TSHZ2: variants seen among roughly 807,000 people sequenced by gnomAD.
The protein encoded by TSHZ2 is teashirt zinc finger homeobox 2.
In TSHZ2, 21 loss-of-function variants were observed where a neutral mutation model predicts 74.4. The ratio of observed to expected loss-of-function variants is 0.28; its 90% CI spans 0.20 to 0.41. The LOEUF (loss-of-function observed/expected upper bound fraction) is 0.41. Among genes scored for constraint, TSHZ2 ranks in the 10% least tolerant of loss-of-function variants. The pLI, the probability that TSHZ2 is intolerant of heterozygous loss-of-function variation, is 1.00. For synonymous variants in TSHZ2, 540 were observed against 515.3 expected, an observed-to-expected ratio of 1.05 and a Z score of -0.65; for missense variants, 1,244 against 1,293.5, an observed-to-expected ratio of 0.96 and a Z score of 0.59.
At chr20:53,173,826 T>C (rs1017260237) in intron 1 of TSHZ2, among the ~76,000 whole-genome samples, 6 of 152,114 alleles carry the variant, frequency 3.9e-5, no homozygotes, top group Non-Finnish European at 5.9e-5. Flanking sequence ...GATTTGGGGG[T>C]TGGGGCTGCC....
intron 1 of TSHZ2, among the ~76,000 whole-genome samples, chr20:53,030,774 A>C (rs924481003): frequency 1.3e-5 from 2 of 152,234 alleles, no homozygotes; most frequent in African/African-American, 4.8e-5. Context: ...AGCCTTTCAA[A>C]AGCTTTTTCA....
Position 53,487,921 on chromosome 20 carries a change from A to G in TSHZ2, c.*786A>G, listed in dbSNP as rs554405178. On this transcript the variant is annotated 3_prime_UTR_variant, in exon 3 of 3. Coordinates refer to ENST00000371497, the MANE Select transcript of TSHZ2 (RefSeq NM_173485.6). Reference sequence around the variant, plus strand: ...GATTGGCTGAAAAAAAAATAGTTTTAAGCACACACCACTGTCTATGAGAAC... The same window carrying G: ...GATTGGCTGAAAAAAAAATAGTTTTGAGCACACACCACTGTCTATGAGAAC... The G allele has an allele frequency of 6.6e-6, 1 of 152,294 alleles. No individual in the cohort carries two copies. Among genetic ancestry groups the G allele is most frequent in the East Asian group, 1.9e-4 (1 of 5,184 alleles). The allele number at this position is 152,294 out of a possible 1,614,324, so 9.4% of individuals were successfully genotyped here. A position where few individuals can be genotyped will look rare whatever the true frequency, so the allele number is the denominator to read the frequency against.
chr20:53,303,493 G>C (rs1342206065), intron 2 of TSHZ2, among the ~76,000 whole-genome samples: 2 of 152,200 alleles, frequency 1.3e-5, no homozygotes, highest in Non-Finnish European at 2.9e-5. Flanking sequence ...TCTATGAACG[G>C]TATCACAGAC....
intron 1 of TSHZ2, among the ~76,000 whole-genome samples, chr20:53,040,549 T>A (rs1288758825): frequency 2.6e-5 from 4 of 152,102 alleles, no homozygotes; most frequent in African/African-American, 9.7e-5. Flanking sequence ...GAGTGCAGTT[T>A]GCTCCCACCC....
intron 2 of TSHZ2, among the ~76,000 whole-genome samples, chr20:53,288,707 C>T (rs1256072298): frequency 1.3e-5 from 2 of 152,006 alleles, no homozygotes; most frequent in Non-Finnish European, 2.9e-5. Flanking sequence ...AAGACAGATC[C>T]TACACAAATG....
intron 1 of TSHZ2, among the ~76,000 whole-genome samples, chr20:53,158,204 G>C (rs532377091): frequency 6.6e-6 from 1 of 152,294 alleles, no homozygotes; most frequent in East Asian, 1.9e-4. Context: ...GTCTGGAGCC[G>C]AATGAGGAAG....
At chr20:53,331,285 G>T (rs550552856) in intron 2 of TSHZ2, among the ~76,000 whole-genome samples, 1 of 152,176 alleles carries the variant, frequency 6.6e-6, no homozygotes, top group Admixed American at 6.5e-5. Context: ...CAGCTTGAAC[G>T]GAAGGTAGTA....
chr20:53,046,156 G>GA (rs1399098411), intron 1 of TSHZ2, among the ~76,000 whole-genome samples: 1 of 152,134 alleles, frequency 6.6e-6, no homozygotes, highest in Non-Finnish European at 1.5e-5. Flanking sequence ...GGCAAGAGGG[G>GA]AGACACGAAG....
chr20:53,253,465 T>C (rs1990373664), intron 1 of TSHZ2, 34 bp from the exon 2 acceptor site: 3 of 1,558,110 alleles, frequency 1.9e-6, no homozygotes, highest in Non-Finnish European at 2.6e-6. Flanking sequence ...TGGAGCCTGT[T>C]ACTGTCGTTT....
At chr20:52,986,836 T>G (rs1049511771) in intron 1 of TSHZ2, among the ~76,000 whole-genome samples, 4 of 152,110 alleles carry the variant, frequency 2.6e-5, no homozygotes, top group African/African-American at 9.7e-5. Flanking sequence ...TGTTTTAAAA[T>G]AAAATTACGG....
chr20:53,223,099 T>C (rs1417561938), intron 1 of TSHZ2, among the ~76,000 whole-genome samples: 2 of 152,114 alleles, frequency 1.3e-5, no homozygotes, highest in Non-Finnish European at 2.9e-5. Context: ...AATATGTCTA[T>C]CATCTAGAAA....
intron 2 of TSHZ2, among the ~76,000 whole-genome samples, chr20:53,414,247 A>C (rs1469895473): frequency 2.6e-5 from 4 of 152,220 alleles, no homozygotes; most frequent in Non-Finnish European, 4.4e-5. Context: ...TTACAGGGGT[A>C]CTTTATATTT....
intron 2 of TSHZ2, among the ~76,000 whole-genome samples, chr20:53,420,431 T>C (rs569461513): frequency 6.6e-6 from 1 of 152,136 alleles, no homozygotes; most frequent in South Asian, 2.1e-4. Flanking sequence ...TCATAAGACA[T>C]TCATTGAAAA....
intron 2 of TSHZ2, among the ~76,000 whole-genome samples, chr20:53,388,767 G>A (rs1234641592): frequency 6.6e-6 from 1 of 151,928 alleles, no homozygotes; most frequent in Non-Finnish European, 1.5e-5. Context: ...TTTTAGTAGA[G>A]ATGGGGTTTT....
intron 1 of TSHZ2, among the ~76,000 whole-genome samples, chr20:53,194,279 A>C (rs924409612): frequency 6.6e-6 from 1 of 152,308 alleles, no homozygotes; most frequent in South Asian, 2.1e-4. Flanking sequence ...AGAGGCTCAA[A>C]CCCTGATTTG....
At chr20:53,358,857 C>A (rs574875914) in intron 2 of TSHZ2, among the ~76,000 whole-genome samples, 78 of 152,266 alleles carry the variant, frequency 5.1e-4, no homozygotes, top group Admixed American at 1.1e-3. Flanking sequence ...GTGACAAAAT[C>A]TTTTGTCTCT....
intron 2 of TSHZ2, among the ~76,000 whole-genome samples, chr20:53,459,202 G>T (rs1030349043): frequency 1.3e-5 from 2 of 152,120 alleles, no homozygotes; most frequent in Non-Finnish European, 2.9e-5. Context: ...AAGTCTCTTT[G>T]TAGGTCACTC....
chr20:53,184,102 A>AT (rs1988545498), intron 1 of TSHZ2, among the ~76,000 whole-genome samples: 1 of 152,126 alleles, frequency 6.6e-6, no homozygotes, highest in Non-Finnish European at 1.5e-5. Context: ...TCATCCTGCC[A>AT]TTTTTCTCTC....
intron 2 of TSHZ2, among the ~76,000 whole-genome samples, chr20:53,427,494 A>C (rs929985266): frequency 3.9e-5 from 6 of 152,034 alleles, no homozygotes; most frequent in African/African-American, 7.2e-5. Flanking sequence ...GTTCATCTTT[A>C]ACTTGAGCAG....
Sources: gnomAD v4.1 joint callset for allele counts (sites outside exome capture counted in the v4.1 genomes callset) on GRCh38, gnomAD v4.1.1 for gene constraint, MANE v1.5 for transcripts, NCBI Gene and HGNC (gene_info 2026-07-23, HGNC 2026-07-21) for gene names.